HS6ST3: variants seen among roughly 807,000 people sequenced by gnomAD.
The protein encoded by HS6ST3 is heparan sulfate 6-O-sulfotransferase 3.
Under a neutral mutation model 36.7 loss-of-function variants are expected in HS6ST3, and 12 were observed. The ratio of observed to expected loss-of-function variants is 0.33; its 90% CI spans 0.21 to 0.53. The LOEUF is 0.53. HS6ST3 is among the 20% of genes least tolerant of loss of function. HS6ST3 has a pLI of 0.95. For synonymous variants in HS6ST3, 240 were observed against 257.5 expected, an observed-to-expected ratio of 0.93 and a Z score of 0.65; for missense variants, 584 against 640.9, an observed-to-expected ratio of 0.91 and a Z score of 0.96.
chr13:96,586,159 G>A (rs924184770), intron 1 of HS6ST3, among the ~76,000 whole-genome samples: 1 of 152,008 alleles, frequency 6.6e-6, no homozygotes, highest in South Asian at 2.1e-4. Flanking sequence ...TAGTACTTTT[G>A]TCTTGCTAGT....
chr13:96,658,183 T>C (rs2056632246), intron 1 of HS6ST3, among the ~76,000 whole-genome samples: 1 of 152,028 alleles, frequency 6.6e-6, no homozygotes, highest in African/African-American at 2.4e-5. Flanking sequence ...GCATGTATTA[T>C]TAGCTTGTTG....
intron 1 of HS6ST3, among the ~76,000 whole-genome samples, chr13:96,738,405 ATGGAATATAC>A (rs1876341592): frequency 6.6e-6 from 1 of 151,332 alleles, no homozygotes; most frequent in Admixed American, 6.6e-5. Context: ...TTCTGATAAA[ATGGAATATAC>A]TGCCATCGAT....
intron 1 of HS6ST3, among the ~76,000 whole-genome samples, chr13:96,536,071 G>A (rs1594801911): frequency 2.0e-5 from 3 of 152,080 alleles, no homozygotes; most frequent in Non-Finnish European, 4.4e-5. Flanking sequence ...AACTCCCCTG[G>A]AAAAATTATG....
intron 1 of HS6ST3, among the ~76,000 whole-genome samples, chr13:96,461,058 C>T (rs147926784): frequency 6.6e-6 from 1 of 152,324 alleles, no homozygotes; most frequent in Non-Finnish European, 1.5e-5. Context: ...ATTTACTTTG[C>T]TGCAGAATGC....
At chr13:96,809,047 C>G (rs1878261462) in intron 1 of HS6ST3, among the ~76,000 whole-genome samples, 1 of 152,170 alleles carries the variant, frequency 6.6e-6, no homozygotes, top group Non-Finnish European at 1.5e-5. Flanking sequence ...ATACATGCCA[C>G]TCTGGGGGAG....
intron 1 of HS6ST3, among the ~76,000 whole-genome samples, chr13:96,686,898 C>T (rs1000576303): frequency 6.6e-6 from 1 of 151,966 alleles, no homozygotes; most frequent in African/African-American, 2.4e-5. Context: ...TGCTATTCCT[C>T]ATTGTGTACT....
intron 1 of HS6ST3, among the ~76,000 whole-genome samples, chr13:96,404,984 A>C (rs779599038): frequency 6.6e-6 from 1 of 152,162 alleles, no homozygotes; most frequent in African/African-American, 2.4e-5. Flanking sequence ...GTTTCTCTGC[A>C]CAAGTTCTCC....
At chr13:96,393,193 T>C (rs916885648) in intron 1 of HS6ST3, among the ~76,000 whole-genome samples, 2 of 152,170 alleles carry the variant, frequency 1.3e-5, no homozygotes, top group African/African-American at 4.8e-5. Flanking sequence ...TGTGAGTCCA[T>C]TAAACCTCTT....
At chr13:96,546,650 T>C (rs950530907) in intron 1 of HS6ST3, among the ~76,000 whole-genome samples, 13 of 152,166 alleles carry the variant, frequency 8.5e-5, no homozygotes, top group Admixed American at 3.9e-4. Flanking sequence ...ACAGAAATAA[T>C]TTGCCTAGCT....
intron 1 of HS6ST3, among the ~76,000 whole-genome samples, chr13:96,358,411 A>G (rs1245628036): frequency 1.3e-5 from 2 of 152,170 alleles, no homozygotes; most frequent in Non-Finnish European, 2.9e-5. Flanking sequence ...ATGTAGTATC[A>G]CTGGGGTAAT....
At chr13:96,221,045 T>C (rs2139362464) in intron 1 of HS6ST3, among the ~76,000 whole-genome samples, 1 of 152,272 alleles carries the variant, frequency 6.6e-6, no homozygotes, top group South Asian at 2.1e-4. Flanking sequence ...AAATAGCTAA[T>C]AAAGAAGAAA....
At chr13:96,756,363 A>G (rs1876831437) in intron 1 of HS6ST3, among the ~76,000 whole-genome samples, 1 of 152,192 alleles carries the variant, frequency 6.6e-6, no homozygotes, top group Admixed American at 6.5e-5. Context: ...ATTTTAATTT[A>G]GATGAAATTG....
chr13:96,636,308 C>T (rs1158476621), intron 1 of HS6ST3, among the ~76,000 whole-genome samples: 2 of 152,148 alleles, frequency 1.3e-5, no homozygotes, highest in East Asian at 3.9e-4. Flanking sequence ...GGTAGAAAGG[C>T]AGTTACTAAA....
chr13:96,735,839 C>T (rs550179734), intron 1 of HS6ST3, among the ~76,000 whole-genome samples: 26 of 152,182 alleles, frequency 1.7e-4, no homozygotes, highest in African/African-American at 6.0e-4. Context: ...AAAAGGAAGA[C>T]TCTTGAAACC....
intron 1 of HS6ST3, among the ~76,000 whole-genome samples, chr13:96,765,344 T>C (rs1385332138): frequency 6.6e-6 from 1 of 152,082 alleles, no homozygotes; most frequent in Non-Finnish European, 1.5e-5. Context: ...AGTGCTGGGA[T>C]TACAGGCGTG....
At chr13:96,567,477 C>G (rs2056285631) in intron 1 of HS6ST3, among the ~76,000 whole-genome samples, 1 of 151,976 alleles carries the variant, frequency 6.6e-6, no homozygotes, top group Non-Finnish European at 1.5e-5. Context: ...TAATTTTGAG[C>G]TAAAAATTTT....
intron 1 of HS6ST3, among the ~76,000 whole-genome samples, chr13:96,796,739 C>T (rs1877921713): frequency 6.6e-6 from 1 of 152,028 alleles, no homozygotes; most frequent in Admixed American, 6.6e-5. Flanking sequence ...CCAAGAAATG[C>T]CGTGTTATGT....
At chr13:96,528,684 T>C (rs886924881) in intron 1 of HS6ST3, among the ~76,000 whole-genome samples, 16 of 152,244 alleles carry the variant, frequency 1.1e-4, no homozygotes, top group Non-Finnish European at 2.2e-4. Flanking sequence ...AGATTCCACA[T>C]TGCAAATAAC....
intron 1 of HS6ST3, among the ~76,000 whole-genome samples, chr13:96,754,587 GAA>G (rs1490684006): frequency 2.6e-5 from 4 of 152,138 alleles, no homozygotes; most frequent in African/African-American, 9.7e-5. Context: ...TTATTTAAAA[GAA>G]AAGTTGATGA....
Sources: gnomAD v4.1 joint callset for allele counts (sites outside exome capture counted in the v4.1 genomes callset) on GRCh38, gnomAD v4.1.1 for gene constraint, MANE v1.5 for transcripts, NCBI Gene and HGNC (gene_info 2026-07-23, HGNC 2026-07-21) for gene names.